GALNTL6: variants seen among roughly 807,000 people sequenced by gnomAD.
GALNTL6 encodes the protein polypeptide N-acetylgalactosaminyltransferase like 6.
Under a neutral mutation model 73.7 loss-of-function variants are expected in GALNTL6, and 46 were observed. That is an observed-to-expected ratio of 0.62 (90% CI 0.49 to 0.80). The LOEUF (loss-of-function observed/expected upper bound fraction) is 0.80, where lower values mean the gene tolerates loss of function less well. Among genes scored for constraint, GALNTL6 ranks in the 30% least tolerant of loss-of-function variants. GALNTL6 has a pLI of 0.00. For missense variants in GALNTL6, 604 were observed against 755.0 expected (o/e 0.80, Z 2.34); for synonymous variants, 259 against 263.7 (o/e 0.98, Z 0.17).
rs138270356 is a variant in GALNTL6, at chr4:172,842,572, G to A, written c.923+28849G>A. Among the ~76,000 whole-genome samples the A allele has an allele frequency of 5.4e-3, 824 of 152,114 alleles. 11 individuals are homozygous for A. Among genetic ancestry groups the A allele is most frequent in the African/African-American group, 0.019 (789 of 41,480 alleles). ...ATTCTAGGAAATCCCAGTTCACAAG[G>A]TGTAATAATATGATGTTATATCTGT... On this transcript the variant is annotated intron_variant, in intron 7 of 12. Transcript: ENST00000506823.
intron 2 of GALNTL6, among the ~76,000 whole-genome samples, chr4:171,870,125 T>C (rs1409144295): frequency 6.6e-6 from 1 of 152,224 alleles, no homozygotes; most frequent in Non-Finnish European, 1.5e-5. Flanking sequence ...ATTCGCTTCT[T>C]CTTCACTGGA....
At chr4:172,864,911 T>C (rs1744585220) in intron 7 of GALNTL6, among the ~76,000 whole-genome samples, 1 of 152,226 alleles carries the variant, frequency 6.6e-6, no homozygotes. Context: ...GTAAAACTTT[T>C]AGATAAAGGC....
chr4:172,617,252 A>G (rs1255895791), intron 5 of GALNTL6, among the ~76,000 whole-genome samples: 3 of 151,958 alleles, frequency 2.0e-5, no homozygotes, highest in African/African-American at 4.8e-5. Flanking sequence ...TAAAAATGAG[A>G]AGTTCTTTTG....
intron 5 of GALNTL6, among the ~76,000 whole-genome samples, chr4:172,787,041 C>G (rs998873666): frequency 1.3e-5 from 2 of 152,180 alleles, no homozygotes; most frequent in Non-Finnish European, 2.9e-5. Flanking sequence ...TGCAGTAAGG[C>G]TGCCCACCAC....
At chr4:172,787,985 A>G (rs1363947995) in intron 5 of GALNTL6, among the ~76,000 whole-genome samples, 1 of 152,234 alleles carries the variant, frequency 6.6e-6, no homozygotes, top group Admixed American at 6.5e-5. Flanking sequence ...AGAAAAATCC[A>G]TATTTCAAAG....
At chr4:172,892,730 A>G (rs947659330) in intron 8 of GALNTL6, among the ~76,000 whole-genome samples, 16 of 151,574 alleles carry the variant, frequency 1.1e-4, no homozygotes, top group African/African-American at 3.9e-4. Context: ...GGGGGGCAAG[A>G]GATGACTCCC....
chr4:172,214,442 T>G (rs1286396516), intron 2 of GALNTL6, among the ~76,000 whole-genome samples: 1 of 152,130 alleles, frequency 6.6e-6, no homozygotes, highest in East Asian at 1.9e-4. Flanking sequence ...AACTAGCTTT[T>G]GACTTAATTG....
chr4:172,044,835 T>G (rs1301654265), intron 2 of GALNTL6, among the ~76,000 whole-genome samples: 2 of 152,052 alleles, frequency 1.3e-5, no homozygotes, highest in Non-Finnish European at 2.9e-5. Flanking sequence ...TTAAAATATC[T>G]ATTTGAGCTA....
intron 5 of GALNTL6, among the ~76,000 whole-genome samples, chr4:172,375,205 A>T (rs1039859942): frequency 6.6e-6 from 1 of 152,150 alleles, no homozygotes; most frequent in Non-Finnish European, 1.5e-5. Context: ...ATTCTCCCTC[A>T]ATGAAAAGAA....
chr4:172,455,532 C>T (rs554171516), intron 5 of GALNTL6, among the ~76,000 whole-genome samples: 1 of 152,276 alleles, frequency 6.6e-6, no homozygotes, highest in African/African-American at 2.4e-5. Context: ...GGAAAGGCGT[C>T]CACCATTACT....
chr4:172,137,515 T>C (rs1221288898), intron 2 of GALNTL6, among the ~76,000 whole-genome samples: 5 of 152,156 alleles, frequency 3.3e-5, no homozygotes, highest in Admixed American at 6.6e-5. Flanking sequence ...ATGACGTCTA[T>C]TTAGAGAAGA....
intron 5 of GALNTL6, among the ~76,000 whole-genome samples, chr4:172,721,179 TAGTC>T (rs2111357036): frequency 6.6e-6 from 1 of 152,348 alleles, no homozygotes; most frequent in South Asian, 2.1e-4. Context: ...TGTCACTTAT[TAGTC>T]AATAATAACA....
intron 2 of GALNTL6, among the ~76,000 whole-genome samples, chr4:171,954,302 T>A (rs1738979817): frequency 6.6e-6 from 1 of 152,130 alleles, no homozygotes; most frequent in Non-Finnish European, 1.5e-5. Context: ...ATAGAAAAAG[T>A]CCAATAGAAG....
intron 5 of GALNTL6, among the ~76,000 whole-genome samples, chr4:172,503,078 A>G (rs1189406490): frequency 6.6e-6 from 1 of 152,222 alleles, no homozygotes; most frequent in Non-Finnish European, 1.5e-5. Context: ...ATTAAAAGTT[A>G]AAGAAGCAAA....
At chr4:172,456,817 G>C (rs1181792847) in intron 5 of GALNTL6, among the ~76,000 whole-genome samples, 3 of 152,018 alleles carry the variant, frequency 2.0e-5, no homozygotes, top group Non-Finnish European at 4.4e-5. Flanking sequence ...ACTTAGCAAG[G>C]CAGGCCAACA....
At chr4:172,941,367 T>G (rs989426659) in intron 9 of GALNTL6, among the ~76,000 whole-genome samples, 1 of 152,242 alleles carries the variant, frequency 6.6e-6, no homozygotes, top group African/African-American at 2.4e-5. Context: ...CTATCATGAT[T>G]AATCATTACT....
intron 5 of GALNTL6, among the ~76,000 whole-genome samples, chr4:172,456,836 C>G (rs1288423592): frequency 2.0e-5 from 3 of 152,060 alleles, no homozygotes; most frequent in Non-Finnish European, 4.4e-5. Flanking sequence ...CATTCAAATT[C>G]AGGAAATACA....
chr4:171,834,164 G>C (rs1405453845), intron 2 of GALNTL6, among the ~76,000 whole-genome samples: 1 of 151,856 alleles, frequency 6.6e-6, no homozygotes, highest in Non-Finnish European at 1.5e-5. Context: ...TTATATTTCA[G>C]GAAATTATGT....
chr4:171,946,693 A>G (rs1344838875), intron 2 of GALNTL6, among the ~76,000 whole-genome samples: 2 of 152,200 alleles, frequency 1.3e-5, no homozygotes, highest in Non-Finnish European at 2.9e-5. Flanking sequence ...AGCTAGTCAG[A>G]GGCGGCCTCT....
Sources: gnomAD v4.1 joint callset for allele counts (sites outside exome capture counted in the v4.1 genomes callset) on GRCh38, gnomAD v4.1.1 for gene constraint, MANE v1.5 for transcripts, NCBI Gene and HGNC (gene_info 2026-07-23, HGNC 2026-07-21) for gene names.